ADAMTSL2: variants seen among roughly 807,000 people sequenced by gnomAD.
ADAMTSL2 encodes the protein ADAMTS-like protein 2.
ADAMTSL2 carries 55 observed loss-of-function variants against 117.0 expected under a neutral mutation model. The observed-to-expected ratio is 0.47, with a 90% CI of 0.38 to 0.59. The LOEUF is 0.59. ADAMTSL2 is among the 20% of genes least tolerant of loss of function. ADAMTSL2 has a pLI of 0.00. For missense variants in ADAMTSL2, 1,182 were observed against 1,354.5 expected (o/e 0.87, Z 2.00); for synonymous variants, 572 against 566.4 (o/e 1.01, Z -0.14).
chr9:133,540,076 G>A (rs151094682), intron 5 of ADAMTSL2, among the ~76,000 whole-genome samples: 499 of 152,322 alleles, frequency 3.3e-3, no homozygotes, highest in Non-Finnish European at 5.7e-3. Flanking sequence ...ATCAACGCAG[G>A]ACAGATTACG....
chr9:133,555,881 G>A lies in ADAMTSL2; in HGVS notation c.1600G>A (p.Val534Ile), dbSNP rs1414745590. Residue 534 changes from valine to isoleucine, a missense_variant, in exon 11 of 19, where the codon GTT (valine) becomes ATT (isoleucine). Val to Ile is a conservative substitution (Grantham distance 29). Coordinates refer to ENST00000651351, the MANE Select transcript of ADAMTSL2 (RefSeq NM_014694.4). ...NSSSEAPFPN[V>I]STSLLTSAGN... The stretch of plus-strand genomic sequence containing the variant: ...CTCCTCCGAGGCCCCATTCCCCAAC[G>A]TTAGCACCAGCCTGCTCACCTCGGC... The A allele has an allele frequency of 8.4e-5, 136 of 1,613,014 alleles. No homozygotes were observed. Among genetic ancestry groups the A allele is most frequent in the Non-Finnish European group, 8.2e-5 (97 of 1,179,972 alleles).
intron 3 of ADAMTSL2, 123 bp from the exon 4 acceptor site, chr9:133,538,226 G>C: frequency 1.7e-6 from 2 of 1,145,714 alleles, no homozygotes; most frequent in Admixed American, 3.4e-5. Context: ...GAGTAGGGAG[G>C]AAGGAGCCCT....
rs1205259689 is a variant in ADAMTSL2, at chr9:133,549,168, A to AT, written c.939+1964dup. Among the ~76,000 whole-genome samples the AT allele has an allele frequency of 1.1e-3, 40 of 34,802 alleles. 17 individuals carry two copies. The highest frequency in any genetic ancestry group is 3.2e-3 in the African/African-American group (39 of 12,034). 22.8% of individuals were successfully genotyped at this position (34,802 alleles called of 152,430 possible). A position where few individuals can be genotyped will look rare whatever the true frequency, so the allele number is the denominator to read the frequency against. Reference sequence around the variant, plus strand: ...AGGCGTCCGCCACTACGCCCGGCTAATTTTTTTTTGTATTTTTAGTAGAGA... The same window carrying AT: ...AGGCGTCCGCCACTACGCCCGGCTAATTTTTTTTTTGTATTTTTAGTAGAGA... On this transcript the variant is annotated intron_variant, in intron 9 of 18. Coordinates refer to ENST00000651351, the MANE Select transcript of ADAMTSL2 (RefSeq NM_014694.4).
At chr9:133,569,193 T>G (rs1336610844) in intron 15 of ADAMTSL2, among the ~76,000 whole-genome samples, 1 of 152,188 alleles carries the variant, frequency 6.6e-6, no homozygotes, top group Non-Finnish European at 1.5e-5. Context: ...GGTGCACAGA[T>G]GATCTTTTTA....
At chr9:133,534,477 T>G (rs910903490), upstream of ADAMTSL2, 41 of 376,742 alleles carry the variant, frequency 1.1e-4, no homozygotes, top group African/African-American at 7.5e-4. Context: ...TGGCCCCCAG[T>G]TCTGGACCCG....
At position 133,540,625 on chromosome 9, in the gene ADAMTSL2, C is replaced by A. The variant is rs113994121; in HGVS notation, c.440C>A (p.Pro147Gln). 1 of 1,613,642 alleles carries A rather than the reference C, an allele frequency of 6.2e-7. No individual in the cohort carries two copies. Among genetic ancestry groups the A allele is most frequent in the Non-Finnish European group, 8.5e-7 (1 of 1,180,038 alleles). Reference protein sequence around the residue: ...PDDYVHISSKPCDLHCTTVDG... With the variant: ...PDDYVHISSKQCDLHCTTVDG... ...GACTATGTCCACATCTCCAGCAAAC[C>A]GTGTGACCTGCACTGTACCACCGTG... is the stretch of plus-strand genomic sequence containing the variant. The change falls in exon 6 of 19, where the codon CCG becomes CAG. Residue 147 changes from proline to glutamine, a missense_variant. By Grantham distance (76) the Pro-to-Gln change is moderately conservative. Transcript: ENST00000651351.
rs1830628885 is a variant in ADAMTSL2, at chr9:133,557,487, A to C, written c.1649+1557A>C. On this transcript the variant is annotated intron_variant, in intron 11 of 18. Coordinates refer to ENST00000651351, the MANE Select transcript of ADAMTSL2 (RefSeq NM_014694.4). The surrounding 1 kb of genome is among the most constrained non-coding windows in gnomAD (Gnocchi z 5.2). ...TAGGTGGGGCCTGTGGCTGGTTCTC[A>C]GGACTCGGGCGGGGAGGGCCGGGCC... Among the ~76,000 whole-genome samples, 1 of 151,916 alleles carries C rather than the reference A, an allele frequency of 6.6e-6. No individual in the cohort carries two copies. Among genetic ancestry groups the C allele is most frequent in the African/African-American group, 2.4e-5 (1 of 41,346 alleles).
chr9:133,573,149 G>C (rs1831150215), intron 17 of ADAMTSL2, among the ~76,000 whole-genome samples: 2 of 152,250 alleles, frequency 1.3e-5, no homozygotes, highest in Admixed American at 6.5e-5. Context: ...AGAGGACAGA[G>C]GGCTCAGGTC....
chr9:133,573,899 G>T lies in ADAMTSL2; in HGVS notation c.2649G>T (p.Gly883=). The T allele has an allele frequency of 6.2e-7, 1 of 1,614,132 alleles. No individual in the cohort carries two copies. Among genetic ancestry groups the T allele is most frequent in the South Asian group, 1.1e-5 (1 of 91,090 alleles). ...TGCGAGACGTCAAGTGCTACCAGGG[G>T]ACCGACATCGTCCGTGGTTGCGATC... The part of the protein sequence containing the change: ...VRMRDVKCYQ[G]TDIVRGCDPL... The change falls in exon 18 of 19, where the codon GGG becomes GGT. Residue 883 remains glycine (G), a synonymous_variant. Coordinates refer to ENST00000651351, the MANE Select transcript of ADAMTSL2 (RefSeq NM_014694.4).
In ADAMTSL2 at chr9:133,554,053, ATGCAGAGACGAGGGCCCACCTGGGCG is replaced by A. The variant is rs1326606855; in HGVS notation, c.940-300_940-275del. On this transcript the variant is annotated intron_variant, in intron 9 of 18. Transcript: ENST00000651351. The surrounding 1 kb of genome is among the most constrained non-coding windows in gnomAD (Gnocchi z 5.2). ...ATTACTTAAATTCTCTGCATACAGC[ATGCAGAGACGAGGGCCCACCTGGGCG>A]TGCCTGGAAGACTGTGACGCCTTGT... 6.6e-6 allele frequency among the ~76,000 whole-genome samples: 1 copy of A among 152,226 alleles called. No homozygotes were observed. The highest frequency in any genetic ancestry group is 2.4e-5 in the African/African-American group (1 of 41,454).
chr9:133,544,609 G>A lies in ADAMTSL2; in HGVS notation c.763+59G>A, dbSNP rs371682128. 348 of 1,460,750 alleles carry A rather than the reference G, an allele frequency of 2.4e-4. 2 individuals are homozygous for A. In the African/African-American group the frequency reaches 2.7e-3, roughly 11 times the overall value. 90.5% of individuals were successfully genotyped at this position (1,460,750 alleles called of 1,614,324 possible). On this transcript the variant is annotated intron_variant, in intron 8 of 18. Transcript: ENST00000651351. ...AGCTTTTGGTTGTGGAGCGTTGTGCGTGGCAGAGAAGGGGCACTTGACCCT... is the reference window on the plus strand; with the variant it reads ...AGCTTTTGGTTGTGGAGCGTTGTGCATGGCAGAGAAGGGGCACTTGACCCT...
At position 133,558,222 on chromosome 9, in the gene ADAMTSL2, C is replaced by CCCGG. The variant is rs1588296473; in HGVS notation, c.1649+2299_1649+2302dup. Reference sequence around the variant, plus strand: ...CTGACTGCTGAGATGCCGCTGCTCCCCCGGCCGGCCTGCCATCAAAGGATG... The same window carrying CCCGG: ...CTGACTGCTGAGATGCCGCTGCTCCCCCGGCCGGCCGGCCTGCCATCAAAGGATG... On this transcript the variant is annotated intron_variant, in intron 11 of 18. Transcript: ENST00000651351. This position sits in a 1 kb window ranked among gnomAD's most constrained non-coding sequence, Gnocchi z 4.3. Among the ~76,000 whole-genome samples, 1 of 152,186 alleles carries CCCGG rather than the reference C, an allele frequency of 6.6e-6. No homozygotes were observed. The highest frequency in any genetic ancestry group is 2.4e-5 in the African/African-American group (1 of 41,448).
At chr9:133,550,423 G>A (rs1422828589) in intron 9 of ADAMTSL2, among the ~76,000 whole-genome samples, 13 of 152,282 alleles carry the variant, frequency 8.5e-5, no homozygotes, top group Non-Finnish European at 1.9e-4. Context: ...CGCCCATTGT[G>A]GCACGTCCTC....
intron 15 of ADAMTSL2, 103 bp downstream of exon 15, chr9:133,568,861 T>C (rs1831039546): frequency 6.7e-7 from 1 of 1,489,370 alleles, no homozygotes; most frequent in Non-Finnish European, 9.3e-7. Context: ...GGCAAGGGTG[T>C]GAGGTCAAGA....
At position 133,568,712 on chromosome 9, in the gene ADAMTSL2, C is replaced by T. The variant is rs1346418193; in HGVS notation, c.2198C>T (p.Thr733Met). ...AGGCCTGTAGGGGAGAAGAACTGCACGGGCCCGCCCTGTGACCGGCAGTGG... is the reference window on the plus strand; with the variant it reads ...AGGCCTGTAGGGGAGAAGAACTGCATGGGCCCGCCCTGTGACCGGCAGTGG... Reference protein sequence around the residue: ...NTRPVGEKNCTGPPCDRQWTV... With the variant: ...NTRPVGEKNCMGPPCDRQWTV... The change falls in exon 15 of 19, where the codon ACG becomes ATG. Residue 733 changes from threonine to methionine, a missense_variant. By Grantham distance (81) the Thr-to-Met change is moderately conservative. Transcript: ENST00000651351. The T allele has an allele frequency of 9.3e-6, 15 of 1,613,138 alleles. No homozygotes were observed. Among genetic ancestry groups the T allele is most frequent in the Admixed American group, 1.7e-5 (1 of 60,008 alleles).
At position 133,570,521 on chromosome 9, in the gene ADAMTSL2, C is replaced by T. The variant is rs1479618939; in HGVS notation, c.2592+14C>T. ...CCCTGGTCAGAGGTGAGCTCCCAGC[C>T]GGCCCCTCTGAGGTTGCCTGAGGCC... is the stretch of plus-strand genomic sequence containing the variant. On this transcript the variant is annotated intron_variant, in intron 17 of 18. Coordinates refer to ENST00000651351, the MANE Select transcript of ADAMTSL2 (RefSeq NM_014694.4). 7.5e-6 allele frequency: 12 copies of T among 1,607,612 alleles called. No homozygotes were observed. The highest frequency in any genetic ancestry group is 4.5e-5 in the East Asian group (2 of 44,472).
At chr9:133,548,872 C>T (rs183661281) in intron 9 of ADAMTSL2, among the ~76,000 whole-genome samples, 294 of 152,330 alleles carry the variant, frequency 1.9e-3, no homozygotes, top group Non-Finnish European at 3.5e-3. Flanking sequence ...TCTGCCTTGG[C>T]AGGGGAACAG....
At chr9:133,534,589 T>G (rs1830002750), upstream of ADAMTSL2, 10 of 1,166,288 alleles carry the variant, frequency 8.6e-6, no homozygotes, top group Non-Finnish European at 9.9e-6. Context: ...GCAGAGCGGG[T>G]TAAAGTGTGC....
At chr9:133,555,082 A>G (rs1186660910) in intron 10 of ADAMTSL2, among the ~76,000 whole-genome samples, 2 of 151,946 alleles carry the variant, frequency 1.3e-5, no homozygotes, top group East Asian at 3.9e-4. Flanking sequence ...AGGGAGCAAA[A>G]GCTTCGGGGG....
Sources: allele counts gnomAD v4.1 joint callset (sites outside exome capture counted in the v4.1 genomes callset), GRCh38; gene constraint gnomAD v4.1.1; non-coding constraint Gnocchi (gnomAD v3.1); transcripts MANE v1.5; gene names NCBI Gene and HGNC (gene_info 2026-07-23, HGNC 2026-07-21).